The following TRPM7 variants were observed in gnomAD, a reference collection of about 807,000 sequenced individuals.
The protein encoded by TRPM7 is transient receptor potential cation channel subfamily M member 7, also known as LTRPC ion channel family member 7.
In TRPM7, 134 loss-of-function variants were observed where a neutral mutation model predicts 229.7. That is an observed-to-expected ratio of 0.58 (90% CI 0.51 to 0.67). The LOEUF is 0.67. Among genes scored for constraint, TRPM7 ranks in the 30% least tolerant of loss-of-function variants. The pLI is 0.00. For missense variants in TRPM7, 1,901 were observed against 2,210.0 expected, an observed-to-expected ratio of 0.86 and a Z score of 2.80; for synonymous variants, 699 against 715.2, an observed-to-expected ratio of 0.98 and a Z score of 0.36.
intron 13 of TRPM7, among the ~76,000 whole-genome samples, chr15:50,617,156 AAATAAATAAATAAATAAAT>A (rs2060245969): frequency 6.7e-6 from 1 of 148,746 alleles, no homozygotes; most frequent in South Asian, 2.1e-4. Flanking sequence ...ATAAATAAAT[AAATAAATAAATAAATAAAT>A]AAATAAAATA....
At chr15:50,645,970 G>A (rs2061251274) in intron 4 of TRPM7, among the ~76,000 whole-genome samples, 1 of 151,942 alleles carries the variant, frequency 6.6e-6, no homozygotes, top group Non-Finnish European at 1.5e-5. Context: ...AGACCAGCCT[G>A]GCCAACATGG....
chr15:50,662,594 GGATACCCAGTA>G (rs1240348709), intron 2 of TRPM7, among the ~76,000 whole-genome samples: 1 of 151,944 alleles, frequency 6.6e-6, no homozygotes, highest in East Asian at 1.9e-4. Context: ...CCATAGTGTT[GGATACCCAGTA>G]GATGCCCAAT....
intron 10 of TRPM7, among the ~76,000 whole-genome samples, chr15:50,628,850 G>A (rs1240738751): frequency 6.6e-6 from 1 of 152,162 alleles, no homozygotes; most frequent in Non-Finnish European, 1.5e-5. Context: ...AAAATAGCCT[G>A]CCAGGCACCT....
At chr15:50,675,394 TTTTG>T (rs999697206) in intron 1 of TRPM7, among the ~76,000 whole-genome samples, 2 of 151,786 alleles carry the variant, frequency 1.3e-5, no homozygotes, top group East Asian at 1.9e-4. Context: ...CATTCACCAA[TTTTG>T]TTTATTTCAA....
At chr15:50,634,645 T>A in intron 7 of TRPM7, 89 bp from the exon 8 acceptor site, 1 of 940,254 alleles carries the variant, frequency 1.1e-6, no homozygotes, top group Non-Finnish European at 1.4e-6. Context: ...TTCAGTACTC[T>A]AATTTTAGAT....
Position 50,574,685 on chromosome 15 carries a change from G to A in TRPM7, c.5054C>T (p.Thr1685Met), listed in dbSNP as rs892149830. The A allele has an allele frequency of 7.4e-6, 12 of 1,613,712 alleles. No individual in the cohort carries two copies. The East Asian group carries it at 1.3e-4, about 18-fold the overall frequency. The change falls in exon 35 of 39, where the codon ACG becomes ATG. Residue 1685 changes from threonine (T) to methionine (M), a missense_variant. Transcript: ENST00000646667. ...GGGTTTCATTTGATTAAAGGCAAAC[G>A]TAAGCTTTTGTGCTGCTCTCTGTTG... Reference protein sequence around the residue: ...IQQQRAAQKLTFAFNQMKPKS... With the variant: ...IQQQRAAQKLMFAFNQMKPKS...
At chr15:50,663,563 A>G (rs370412452) in intron 1 of TRPM7, among the ~76,000 whole-genome samples, 1 of 152,210 alleles carries the variant, frequency 6.6e-6, no homozygotes, top group South Asian at 2.1e-4. Flanking sequence ...AGTACTGTGT[A>G]GATACTATTG....
chr15:50,592,177 C>A lies in TRPM7; in HGVS notation c.4058G>T (p.Gly1353Val). The A allele has an allele frequency of 6.2e-7, 1 of 1,614,046 alleles. No homozygotes were observed. Reference protein sequence around the residue: ...FNFPEAGSSSGALFPSAVSPP... With the variant: ...FNFPEAGSSSVALFPSAVSPP... ...GGAAACAGCACTTGGGAATAAGGCA[C>A]CAGAAGAGGAACCAGCCTCTGGAAA... Residue 1353 changes from glycine (G) to valine (V), a missense_variant, in exon 26 of 39, where the codon GGT becomes GTT. Physicochemically the swap from Gly to Val is moderately radical, Grantham distance 109 (BLOSUM62 -3). Coordinates refer to ENST00000646667, the MANE Select transcript of TRPM7 (RefSeq NM_017672.6).
At chr15:50,685,309 C>CA (rs1469343749) in intron 1 of TRPM7, among the ~76,000 whole-genome samples, 1 of 152,132 alleles carries the variant, frequency 6.6e-6, no homozygotes, top group Non-Finnish European at 1.5e-5. Flanking sequence ...ACTAAAAATG[C>CA]AAAAATTAGC....
At chr15:50,571,910 A>G (rs1363844876) in intron 36 of TRPM7, among the ~76,000 whole-genome samples, 2 of 152,232 alleles carry the variant, frequency 1.3e-5, no homozygotes, top group Non-Finnish European at 2.9e-5. Context: ...GTTCACTCCA[A>G]TTTTGAAAGA....
chr15:50,600,203 G>A (rs1237773117), intron 21 of TRPM7, among the ~76,000 whole-genome samples: 6 of 152,160 alleles, frequency 3.9e-5, no homozygotes, highest in East Asian at 1.9e-4. Flanking sequence ...TCGGGAGGCC[G>A]AGGCAGGTGG....
At chr15:50,565,677 A>G (rs2053566751) in intron 38 of TRPM7, among the ~76,000 whole-genome samples, 1 of 152,182 alleles carries the variant, frequency 6.6e-6, no homozygotes, top group Non-Finnish European at 1.5e-5. Context: ...AATCAATAGA[A>G]CTAATACACA....
intron 1 of TRPM7, among the ~76,000 whole-genome samples, chr15:50,664,835 C>T (rs1274391742): frequency 6.6e-6 from 1 of 152,038 alleles, no homozygotes; most frequent in East Asian, 1.9e-4. Flanking sequence ...GTGGTGCACA[C>T]CTATAGTCAG....
rs1384972914 is a variant in TRPM7 at position 50,580,855 on chromosome 15, TA to T, written c.4592+18del. On this transcript the variant is annotated intron_variant, in intron 30 of 38. Transcript: ENST00000646667. ...ACTATGATACTTCGCAAGCTAATGGTAAGAAAAAGCTTACTTACATTTCTCT... is the reference window on the plus strand; with the variant it reads ...ACTATGATACTTCGCAAGCTAATGGTAGAAAAAGCTTACTTACATTTCTCT... 6.3e-6 allele frequency: 10 copies of T among 1,580,012 alleles called. No homozygotes were observed. Among genetic ancestry groups the T allele is most frequent in the Non-Finnish European group, 8.5e-6 (10 of 1,169,918 alleles).
At chr15:50,632,775 A>G in intron 9 of TRPM7, 94 bp downstream of exon 9, 1 of 1,227,094 alleles carries the variant, frequency 8.1e-7, no homozygotes, top group Non-Finnish European at 1.1e-6. Flanking sequence ...TAAAATCCAA[A>G]TAAAAACAAA....
chr15:50,614,020 A>T (rs1219860524), intron 14 of TRPM7, 103 bp downstream of exon 14: 2 of 1,359,766 alleles, frequency 1.5e-6, no homozygotes, highest in Non-Finnish European at 2.0e-6. Context: ...GTTCAACTTT[A>T]TGACAGTGTA....
intron 6 of TRPM7, 81 bp from the exon 7 acceptor site, chr15:50,637,674 A>G: frequency 8.2e-7 from 1 of 1,222,196 alleles, no homozygotes; most frequent in Non-Finnish European, 1.1e-6. Context: ...TAATCCGTAA[A>G]GACAAGTAAG....
chr15:50,647,536 G>A (rs2061305130), intron 4 of TRPM7, among the ~76,000 whole-genome samples: 1 of 152,138 alleles, frequency 6.6e-6, no homozygotes, highest in Non-Finnish European at 1.5e-5. Context: ...ATGAGGTCAG[G>A]AGATGGAGAC....
chr15:50,580,747 A>C (rs961232896), intron 30 of TRPM7, 127 bp downstream of exon 30: 1 of 744,006 alleles, frequency 1.3e-6, no homozygotes, highest in African/African-American at 1.8e-5. Flanking sequence ...TGAAGAGAGG[A>C]GATGCTAGAA....
Sources: allele counts gnomAD v4.1 joint callset (sites outside exome capture counted in the v4.1 genomes callset), GRCh38; gene constraint gnomAD v4.1.1; transcripts MANE v1.5; gene names NCBI Gene and HGNC (gene_info 2026-07-23, HGNC 2026-07-21).